Variants in HOOK3 observed in about 807,000 individuals in gnomAD.
HOOK3 encodes the protein hook microtubule tethering protein 3, also known as protein Hook homolog 3.
A neutral mutation model predicts 116.3 loss-of-function variants in HOOK3; 24 were observed. The ratio of observed to expected loss-of-function variants is 0.21; its 90% confidence interval spans 0.15 to 0.29. The LOEUF (loss-of-function observed/expected upper bound fraction) is 0.29, where lower values mean the gene tolerates loss of function less well. HOOK3 is among the 10% of genes least tolerant of loss of function. The pLI is 1.00. For synonymous variants in HOOK3, 275 were observed against 283.0 expected (o/e 0.97, Z 0.28); for missense variants, 632 against 830.2 (o/e 0.76, Z 2.93).
chr8:42,960,349 A>G (rs974263255), intron 8 of HOOK3, among the ~76,000 whole-genome samples: 1 of 152,180 alleles, frequency 6.6e-6, no homozygotes, highest in African/African-American at 2.4e-5. Flanking sequence ...AATCCCAGGT[A>G]TGGACAGATT....
chr8:42,921,536 G>A (rs1243065976), intron 2 of HOOK3, among the ~76,000 whole-genome samples: 1 of 152,030 alleles, frequency 6.6e-6, no homozygotes, highest in African/African-American at 2.4e-5. Flanking sequence ...ACTTTTGGGG[G>A]TTGTCTGTTT....
At chr8:42,966,413 C>T in intron 9 of HOOK3, 60 bp from the exon 10 acceptor site, 1 of 1,564,078 alleles carries the variant, frequency 6.4e-7, no homozygotes, top group East Asian at 2.2e-5. Flanking sequence ...TTTTACTGTT[C>T]TAAGGAGAAT....
chr8:43,008,889 GA>G (rs953212319), intron 18 of HOOK3, among the ~76,000 whole-genome samples: 14 of 150,874 alleles, frequency 9.3e-5, no homozygotes, highest in African/African-American at 3.4e-4. Context: ...TCGATCTCCT[GA>G]CCTCGTGATC....
intron 1 of HOOK3, among the ~76,000 whole-genome samples, chr8:42,901,964 T>TG (rs1188873219): frequency 6.6e-6 from 1 of 152,202 alleles, no homozygotes; most frequent in Non-Finnish European, 1.5e-5. Context: ...CGCCTCGGCT[T>TG]CCAAATGTTC....
At chr8:42,984,759 CT>C (rs1809018726) in intron 14 of HOOK3, among the ~76,000 whole-genome samples, 2 of 152,132 alleles carry the variant, frequency 1.3e-5, no homozygotes, top group African/African-American at 4.8e-5. Flanking sequence ...AAAAAATTAG[CT>C]GGGTGTGCTA....
chr8:42,936,594 C>T (rs1243961329), intron 4 of HOOK3, among the ~76,000 whole-genome samples: 3 of 152,090 alleles, frequency 2.0e-5, no homozygotes, highest in Non-Finnish European at 4.4e-5. Flanking sequence ...GAGTTTTTAG[C>T]ATGAAGGGGT....
intron 15 of HOOK3, among the ~76,000 whole-genome samples, chr8:42,989,997 A>G (rs866721770): frequency 1.1e-3 from 161 of 151,806 alleles, no homozygotes; most frequent in African/African-American, 3.6e-3. Context: ...TAATTTTTTT[A>G]TTTTATTTTA....
At chr8:43,010,611 G>A (rs905235264) in intron 19 of HOOK3, among the ~76,000 whole-genome samples, 16 of 152,150 alleles carry the variant, frequency 1.1e-4, no homozygotes, top group Non-Finnish European at 2.2e-4. Context: ...ATTACCAAGA[G>A]GAAAATGTAC....
rs1007119902 is a variant in HOOK3, at chr8:43,026,696, T to G, written c.*8198T>G. On this transcript the variant is annotated 3_prime_UTR_variant, in exon 22 of 22. Coordinates refer to ENST00000307602, the MANE Select transcript of HOOK3 (RefSeq NM_032410.4). Reference sequence around the variant, plus strand: ...TGCAGATTGCCCCTAACTTCAGCAGTGCCTCCGTCACTGCATGTACCTAAA... The same window carrying G: ...TGCAGATTGCCCCTAACTTCAGCAGGGCCTCCGTCACTGCATGTACCTAAA... The G allele has an allele frequency of 1.8e-4, 40 of 222,046 alleles. No individual in the cohort carries two copies. The highest frequency in any genetic ancestry group is 1.3e-3 in the Middle Eastern group (1 of 758). 13.8% of individuals were successfully genotyped at this position (222,046 alleles called of 1,614,324 possible).
chr8:42,960,127 T>TAAGCA (rs1406427857), intron 8 of HOOK3, among the ~76,000 whole-genome samples: 5 of 152,260 alleles, frequency 3.3e-5, no homozygotes, highest in Non-Finnish European at 5.9e-5. Context: ...GATTTCATTA[T>TAAGCA]TTTTATAAGC....
chr8:42,997,722 C>G lies in HOOK3; in HGVS notation c.1620+85C>G, dbSNP rs772965755. 9 of 808,848 alleles carry G rather than the reference C, an allele frequency of 1.1e-5. 1 individual carries two copies. The South Asian group carries it at 1.3e-4, about 12-fold the overall frequency. The allele number at this position is 808,848 out of a possible 1,614,324, so 50.1% of individuals were successfully genotyped here. On this transcript the variant is annotated intron_variant, in intron 16 of 21. Transcript: ENST00000307602. Reference sequence around the variant, plus strand: ...TTATTTTTTATTTGATGTTTTTTGTCAAAATAATTTAGTATTATATTGGTT... The same window carrying G: ...TTATTTTTTATTTGATGTTTTTTGTGAAAATAATTTAGTATTATATTGGTT...
intron 21 of HOOK3, among the ~76,000 whole-genome samples, chr8:43,013,989 T>C (rs1648121): frequency 0.26 from 39,132 of 152,078 alleles, 7,227 homozygotes; most frequent in African/African-American, 0.51. Context: ...CCACTTCTGC[T>C]TTTAAAAAAT....
Position 42,974,173 on chromosome 8 carries a change from G to C in HOOK3, c.1300G>C (p.Glu434Gln), listed in dbSNP as rs2130433952. The C allele has an allele frequency of 1.9e-6, 3 of 1,613,618 alleles. No homozygotes were observed. The highest frequency in any genetic ancestry group is 2.5e-6 in the Non-Finnish European group (3 of 1,179,570). Residue 434 changes from glutamate (E) to glutamine (Q), a missense_variant, in exon 13 of 22, where the codon GAA (glutamate) becomes CAA (glutamine). Physicochemically the swap from Glu to Gln is conservative, Grantham distance 29. Around this residue, in one of 3 missense-constraint regions of HOOK3, gnomAD observed 483 missense variants for 648.1 expected, o/e 0.75. Transcript: ENST00000307602. The stretch of plus-strand genomic sequence containing the variant: ...AGAGCTTCGTTGTGTACAAGCTCAA[G>C]AAGGGCAGCTCACAACACAAGGTAA... The part of the protein sequence containing the change: ...IEELRCVQAQ[E>Q]GQLTTQGLMP...
chr8:42,987,456 C>T (rs765999106), intron 15 of HOOK3, among the ~76,000 whole-genome samples: 16 of 152,144 alleles, frequency 1.1e-4, no homozygotes, highest in Non-Finnish European at 1.3e-4. Context: ...CAGTTGTTGT[C>T]GGGCTAATAG....
At chr8:42,969,513 T>A (rs1808689767) in intron 11 of HOOK3, among the ~76,000 whole-genome samples, 1 of 152,150 alleles carries the variant, frequency 6.6e-6, no homozygotes, top group Admixed American at 6.5e-5. Context: ...TGGTCCCAGC[T>A]ATTTGGGAGG....
chr8:42,970,782 C>CTTTTTTTTTTT (rs764513803), intron 11 of HOOK3, among the ~76,000 whole-genome samples: 11 of 93,888 alleles, frequency 1.2e-4, no homozygotes, highest in African/African-American at 2.6e-4. Context: ...GAATTTGGGT[C>CTTTTTTTTTTT]TTTTTTTTTT....
chr8:42,905,112 A>G (rs573527595), intron 1 of HOOK3, among the ~76,000 whole-genome samples: 8 of 152,302 alleles, frequency 5.3e-5, no homozygotes, highest in Admixed American at 1.3e-4. Context: ...AATCAAAATG[A>G]AGTGAATATC....
At chr8:42,902,146 A>G (rs1470983444) in intron 1 of HOOK3, among the ~76,000 whole-genome samples, 1 of 152,194 alleles carries the variant, frequency 6.6e-6, no homozygotes, top group Non-Finnish European at 1.5e-5. Flanking sequence ...TAGGATTCCA[A>G]ATGCCAAACC....
At chr8:42,963,781 T>C (rs1376962700) in intron 8 of HOOK3, among the ~76,000 whole-genome samples, 2 of 152,230 alleles carry the variant, frequency 1.3e-5, no homozygotes, top group Non-Finnish European at 2.9e-5. Context: ...GCCATCTCTA[T>C]ATCTTGTCTG....
Sources: allele counts gnomAD v4.1 joint callset (sites outside exome capture counted in the v4.1 genomes callset), GRCh38; gene constraint gnomAD v4.1.1; regional missense constraint gnomAD v4.1.1; transcripts MANE v1.5; gene names NCBI Gene and HGNC (gene_info 2026-07-23, HGNC 2026-07-21).